The following MAP2K4 variants were observed in gnomAD, a reference collection of about 807,000 sequenced individuals.
MAP2K4 encodes the protein mitogen-activated protein kinase kinase 4.
MAP2K4 carries 4 observed loss-of-function variants against 48.5 expected under a neutral mutation model. The ratio of observed to expected loss-of-function variants is 0.08; its 90% CI spans 0.04 to 0.19. The LOEUF (loss-of-function observed/expected upper bound fraction) is 0.19. Among genes scored for constraint, MAP2K4 ranks in the 10% least tolerant of loss-of-function variants. The pLI, the probability that MAP2K4 is intolerant of heterozygous loss-of-function variation, is 1.00. For synonymous variants in MAP2K4, 166 were observed against 173.1 expected (o/e 0.96, Z 0.32); for missense variants, 258 against 493.3 (o/e 0.52, Z 4.52).
chr17:12,027,942 C>T (rs1001464342), intron 1 of MAP2K4, among the ~76,000 whole-genome samples: 1 of 152,152 alleles, frequency 6.6e-6, no homozygotes, highest in Non-Finnish European at 1.5e-5. Context: ...ATAATCGTTG[C>T]TCCCATGAGG....
intron 7 of MAP2K4, among the ~76,000 whole-genome samples, chr17:12,119,531 G>C (rs1414217349): frequency 3.3e-5 from 5 of 152,230 alleles, no homozygotes; most frequent in Admixed American, 6.5e-5. Context: ...CTTATATACT[G>C]TTGGTGGAAA....
intron 9 of MAP2K4, among the ~76,000 whole-genome samples, chr17:12,136,425 A>G (rs757431655): frequency 3.3e-5 from 5 of 152,254 alleles, no homozygotes; most frequent in Non-Finnish European, 7.3e-5. Context: ...ATATCATTGA[A>G]GAGAGATTAA....
At chr17:12,105,505 G>GT (rs1186807666) in intron 4 of MAP2K4, among the ~76,000 whole-genome samples, 7 of 151,976 alleles carry the variant, frequency 4.6e-5, no homozygotes, top group Non-Finnish European at 1.0e-4. Context: ...CCTTCCTTAT[G>GT]TTACCTTAGT....
intron 1 of MAP2K4, among the ~76,000 whole-genome samples, chr17:12,051,320 A>G (rs1228899287): frequency 6.6e-6 from 1 of 152,344 alleles, no homozygotes; most frequent in South Asian, 2.1e-4. Flanking sequence ...GCCAATAACC[A>G]TATAGGCTTA....
At chr17:12,052,722 G>A (rs1017816143) in intron 1 of MAP2K4, among the ~76,000 whole-genome samples, 1 of 152,132 alleles carries the variant, frequency 6.6e-6, no homozygotes, top group Non-Finnish European at 1.5e-5. Context: ...TTTTTGATTT[G>A]AGGAGTTTGT....
intron 3 of MAP2K4, among the ~76,000 whole-genome samples, chr17:12,089,081 T>G (rs2151555856): frequency 6.6e-6 from 1 of 151,954 alleles, no homozygotes; most frequent in Middle Eastern, 3.4e-3. Flanking sequence ...CTGGCTAATT[T>G]TTTTGTATTT....
At chr17:12,115,740 T>G (rs1026180147) in intron 7 of MAP2K4, 2 of 766,258 alleles carry the variant, frequency 2.6e-6, no homozygotes, top group African/African-American at 3.4e-5. Flanking sequence ...AAATACATTG[T>G]GACCTGTGTA....
chr17:12,081,288 C>A lies in MAP2K4; in HGVS notation c.219-68C>A. On this transcript the variant is annotated intron_variant, in intron 2 of 10. Transcript: ENST00000353533. This position sits in a 1 kb window ranked among gnomAD's most constrained non-coding sequence, Gnocchi z 4.2. The stretch of plus-strand genomic sequence containing the variant: ...GAAAACATTTTTCCCACACATTAAT[C>A]AGTACTAAAAGAAAAAAGTTAAAAC... 8.3e-7 allele frequency: 1 copy of A among 1,210,312 alleles called. No individual in the cohort carries two copies. The highest frequency in any genetic ancestry group is 1.5e-5 in the South Asian group (1 of 64,784). The allele number at this position is 1,210,312 out of a possible 1,614,324, so 75.0% of individuals were successfully genotyped here.
At chr17:12,025,368 G>A (rs1019187110) in intron 1 of MAP2K4, among the ~76,000 whole-genome samples, 1 of 152,154 alleles carries the variant, frequency 6.6e-6, no homozygotes, top group African/African-American at 2.4e-5. Flanking sequence ...ATATCTATAA[G>A]TATATACAGA....
rs151095612 is a variant in MAP2K4 at position 12,053,841 on chromosome 17, C to G, written c.116-1048C>G. ...TCAGATCTCACATTTACAGTTTGAA[C>G]CCTCTATTAAATCCTCATCCACTGA... On this transcript the variant is annotated intron_variant, in intron 1 of 10. Coordinates refer to ENST00000353533, the MANE Select transcript of MAP2K4 (RefSeq NM_003010.4). Among the ~76,000 whole-genome samples the G allele has an allele frequency of 2.0e-5, 3 of 152,078 alleles. No homozygotes were observed. The East Asian group carries it at 5.8e-4, about 29-fold the overall frequency.
intron 1 of MAP2K4, among the ~76,000 whole-genome samples, chr17:12,039,873 T>A (rs1351293739): frequency 6.6e-6 from 1 of 152,222 alleles, no homozygotes; most frequent in Admixed American, 6.5e-5. Context: ...TTGTAGCATT[T>A]TGTATATTTT....
chr17:12,079,662 G>T (rs922920777), intron 2 of MAP2K4, among the ~76,000 whole-genome samples: 7 of 152,108 alleles, frequency 4.6e-5, no homozygotes, highest in Non-Finnish European at 8.8e-5. Flanking sequence ...TCCCTCAGTG[G>T]TAGATTGGTG....
At chr17:12,064,017 G>A (rs552616756) in intron 2 of MAP2K4, among the ~76,000 whole-genome samples, 1 of 115,808 alleles carries the variant, frequency 8.6e-6, no homozygotes, top group Non-Finnish European at 1.8e-5. Flanking sequence ...AGAGGGGAAG[G>A]GGGGGAGAGA....
chr17:12,059,385 A>G (rs1970381538), intron 2 of MAP2K4, among the ~76,000 whole-genome samples: 1 of 152,256 alleles, frequency 6.6e-6, no homozygotes, highest in Non-Finnish European at 1.5e-5. Context: ...AGAAGTAGAT[A>G]TTCTGTTAAA....
chr17:12,042,036 C>A (rs532961550), intron 1 of MAP2K4, among the ~76,000 whole-genome samples: 21 of 151,834 alleles, frequency 1.4e-4, no homozygotes, highest in African/African-American at 4.8e-4. Context: ...CAAAAATTAG[C>A]CGGGTGTGGT....
chr17:12,140,132 A>G (rs1474126421), intron 10 of MAP2K4, among the ~76,000 whole-genome samples: 1 of 152,198 alleles, frequency 6.6e-6, no homozygotes, highest in Non-Finnish European at 1.5e-5. Flanking sequence ...ATTACCCCCA[A>G]AGAATTCTGA....
intron 1 of MAP2K4, among the ~76,000 whole-genome samples, chr17:12,047,017 T>G (rs77918038): frequency 6.6e-6 from 1 of 152,114 alleles, no homozygotes; most frequent in Non-Finnish European, 1.5e-5. Context: ...CTGTTAAGCC[T>G]TTTGTTGTCA....
chr17:12,090,254 A>T (rs1477151281), intron 3 of MAP2K4, among the ~76,000 whole-genome samples: 1 of 152,152 alleles, frequency 6.6e-6, no homozygotes, highest in Non-Finnish European at 1.5e-5. Context: ...GTTATTTGGG[A>T]GAATCAGTAG....
intron 2 of MAP2K4, among the ~76,000 whole-genome samples, chr17:12,063,492 A>G (rs535089958): frequency 2.0e-5 from 3 of 152,364 alleles, no homozygotes; most frequent in African/African-American, 7.2e-5. Flanking sequence ...AATTACCTCA[A>G]GATGGATCAT....
Sources: allele counts gnomAD v4.1 joint callset (sites outside exome capture counted in the v4.1 genomes callset), GRCh38; gene constraint gnomAD v4.1.1; non-coding constraint Gnocchi (gnomAD v3.1); transcripts MANE v1.5; gene names NCBI Gene and HGNC (gene_info 2026-07-23, HGNC 2026-07-21).